DPP6: variants seen among roughly 807,000 people sequenced by gnomAD.
The protein encoded by DPP6 is A-type potassium channel modulatory protein DPP6.
A neutral mutation model predicts 122.6 loss-of-function variants in DPP6; 69 were observed. That is an observed-to-expected ratio of 0.56 (90% confidence interval 0.46 to 0.69). DPP6 has a LOEUF of 0.69. Ranked by LOEUF, DPP6 falls within the 30% of genes least tolerant of loss-of-function variation. DPP6 has a pLI of 0.00. For missense variants in DPP6, 928 were observed against 1,116.9 expected (o/e 0.83, Z 2.41); for synonymous variants, 418 against 433.1 (o/e 0.97, Z 0.43).
chr7:154,653,319 A>G (rs1232209021), intron 6 of DPP6, among the ~76,000 whole-genome samples: 1 of 152,100 alleles, frequency 6.6e-6, no homozygotes, highest in Non-Finnish European at 1.5e-5. Context: ...GTGCCAATCT[A>G]CTCCAGCGAC....
the DPP6 span, among the ~76,000 whole-genome samples, chr7:153,788,357 G>A: frequency 6.6e-6 from 1 of 152,186 alleles, no homozygotes; most frequent in East Asian, 1.9e-4. Context: ...GTCGTCTGTA[G>A]ACTTTCTGAA....
At chr7:153,836,908 C>T in the DPP6 span, among the ~76,000 whole-genome samples, 1 of 152,148 alleles carries the variant, frequency 6.6e-6, no homozygotes, top group Non-Finnish European at 1.5e-5. Context: ...ATAAAAGATA[C>T]TTGGATTACC....
At chr7:154,770,321 T>G (rs1477668448) in intron 9 of DPP6, among the ~76,000 whole-genome samples, 1 of 152,116 alleles carries the variant, frequency 6.6e-6, no homozygotes, top group Non-Finnish European at 1.5e-5. Context: ...TTTAAAACCA[T>G]CAGATCTTGT....
chr7:154,617,142 G>A (rs1252126376), intron 5 of DPP6, among the ~76,000 whole-genome samples: 2 of 152,188 alleles, frequency 1.3e-5, no homozygotes, highest in Non-Finnish European at 2.9e-5. Flanking sequence ...TACTTACCAA[G>A]CCTTGGAATT....
intron 1 of DPP6, among the ~76,000 whole-genome samples, chr7:154,370,977 C>T (rs6974278): frequency 6.6e-6 from 1 of 152,146 alleles, no homozygotes; most frequent in African/African-American, 2.4e-5. Flanking sequence ...TTCTGAGGAG[C>T]CTCCCTATGC....
intron 1 of DPP6, among the ~76,000 whole-genome samples, chr7:154,376,494 C>T (rs759502174): frequency 4.7e-4 from 72 of 152,134 alleles, no homozygotes; most frequent in Non-Finnish European, 8.1e-4. Flanking sequence ...CTCAGTGGAT[C>T]AAGACTAAGT....
At chr7:154,061,576 T>G (rs1585276059) in intron 1 of DPP6, among the ~76,000 whole-genome samples, 1 of 145,876 alleles carries the variant, frequency 6.9e-6, no homozygotes, top group Non-Finnish European at 1.5e-5. Context: ...ATGGCTGAGA[T>G]CCATCCCCTC....
chr7:154,036,921 G>A (rs1799563755), intron 1 of DPP6, among the ~76,000 whole-genome samples: 1 of 152,194 alleles, frequency 6.6e-6, no homozygotes, highest in South Asian at 2.1e-4. Context: ...GGCACACGGT[G>A]GGTGAGTGGG....
chr7:154,717,367 C>T (rs1298728100), intron 7 of DPP6, among the ~76,000 whole-genome samples: 2 of 151,310 alleles, frequency 1.3e-5, no homozygotes, highest in Non-Finnish European at 2.9e-5. Flanking sequence ...CTCCCCATTA[C>T]CCACTTGCAC....
chr7:154,804,021 A>C (rs1798541860), intron 14 of DPP6, 66 bp downstream of exon 14: 1 of 1,566,260 alleles, frequency 6.4e-7, no homozygotes, highest in South Asian at 1.2e-5. Context: ...ATTTTTTGTC[A>C]ATTACACTTA....
At chr7:153,871,675 G>C in the DPP6 span, among the ~76,000 whole-genome samples, 1 of 152,260 alleles carries the variant, frequency 6.6e-6, no homozygotes, top group South Asian at 2.1e-4. Flanking sequence ...CCACTGTCTG[G>C]CACTCCCCAG....
At chr7:154,488,733 TG>T (rs2151383300) in intron 3 of DPP6, among the ~76,000 whole-genome samples, 1 of 152,218 alleles carries the variant, frequency 6.6e-6, no homozygotes, top group South Asian at 2.1e-4. Flanking sequence ...TCCAACTGGA[TG>T]GGGCCATCCA....
In DPP6 at chr7:154,607,643, C is replaced by A. The variant is rs1339793523; in HGVS notation, c.628-30178C>A. Reference sequence around the variant, plus strand: ...TACTATAGAGTGAATGGTTACCCACCATGTTAGACAGACGATTCATCTTGT... The same window carrying A: ...TACTATAGAGTGAATGGTTACCCACAATGTTAGACAGACGATTCATCTTGT... On this transcript the variant is annotated intron_variant, in intron 5 of 25. Coordinates refer to ENST00000377770, the MANE Select transcript of DPP6 (RefSeq NM_130797.4). 1.8e-5 allele frequency among the ~76,000 whole-genome samples: 2 copies of A among 114,182 alleles called. 1 individual carries two copies. The highest frequency in any genetic ancestry group is 5.5e-5 in the African/African-American group (2 of 36,156). 74.9% of individuals were successfully genotyped at this position (114,182 alleles called of 152,430 possible).
At chr7:154,280,188 G>GTTTT (rs147959898) in intron 1 of DPP6, among the ~76,000 whole-genome samples, 6 of 151,962 alleles carry the variant, frequency 3.9e-5, no homozygotes, top group African/African-American at 1.5e-4. Context: ...TGTTTTTACT[G>GTTTT]TTTTTTTATA....
At chr7:154,757,776 A>G (rs1795230604) in intron 8 of DPP6, among the ~76,000 whole-genome samples, 1 of 152,218 alleles carries the variant, frequency 6.6e-6, no homozygotes. Flanking sequence ...ACGTTCAACA[A>G]GAGTTCAGGA....
intron 1 of DPP6, among the ~76,000 whole-genome samples, chr7:154,065,588 C>T (rs4067519): frequency 6.6e-5 from 10 of 151,764 alleles, no homozygotes; most frequent in East Asian, 1.9e-4. Context: ...TACACCATGG[C>T]CTTAGTACCC....
At chr7:153,776,912 T>C in the DPP6 span, among the ~76,000 whole-genome samples, 1 of 152,356 alleles carries the variant, frequency 6.6e-6, no homozygotes, top group East Asian at 1.9e-4. Flanking sequence ...AAATGGACTT[T>C]GTTATAATTT....
At chr7:154,654,697 C>T (rs950869245) in intron 6 of DPP6, among the ~76,000 whole-genome samples, 10 of 151,930 alleles carry the variant, frequency 6.6e-5, no homozygotes, top group African/African-American at 1.9e-4. Context: ...GGATTACAAG[C>T]GTGAGCCACC....
chr7:154,268,537 G>C (rs1167857701), intron 1 of DPP6, among the ~76,000 whole-genome samples: 1 of 152,164 alleles, frequency 6.6e-6, no homozygotes, highest in Non-Finnish European at 1.5e-5. Flanking sequence ...CGGAGGCCTT[G>C]CCTCCTAACA....
Sources: gnomAD v4.1 joint callset for allele counts (sites outside exome capture counted in the v4.1 genomes callset) on GRCh38, gnomAD v4.1.1 for gene constraint, MANE v1.5 for transcripts, NCBI Gene and HGNC (gene_info 2026-07-23, HGNC 2026-07-21) for gene names.